Variants in DSE observed in about 807,000 individuals in gnomAD.
The protein encoded by DSE is dermatan-sulfate epimerase.
Under a neutral mutation model 84.4 loss-of-function variants are expected in DSE, and 36 were observed. The observed-to-expected ratio is 0.43, with a 90% confidence interval of 0.33 to 0.56. The LOEUF (loss-of-function observed/expected upper bound fraction) is 0.56. DSE is among the 20% of genes least tolerant of loss of function. DSE has a pLI of 0.06. For missense variants in DSE, 862 were observed against 1,169.6 expected (o/e 0.74, Z 3.84); for synonymous variants, 410 against 430.1 (o/e 0.95, Z 0.58).
intron 2 of DSE, among the ~76,000 whole-genome samples, chr6:116,413,359 A>C (rs1782504790): frequency 6.6e-6 from 1 of 152,244 alleles, no homozygotes; most frequent in Admixed American, 6.5e-5. Context: ...TGATAAATAC[A>C]AAATTTTTTC....
At chr6:116,266,477 T>C in intron 2 of DSE, among the ~76,000 whole-genome samples, 1 of 152,200 alleles carries the variant, frequency 6.6e-6, no homozygotes, top group East Asian at 1.9e-4. Context: ...TTATTAGTAG[T>C]AGAACATTCT....
intron 2 of DSE, among the ~76,000 whole-genome samples, chr6:116,333,284 G>T (rs1777059081): frequency 6.6e-6 from 1 of 152,146 alleles, no homozygotes; most frequent in South Asian, 2.1e-4. Flanking sequence ...GGTTCTGGAG[G>T]CTGGGAAGTC....
intron 2 of DSE, among the ~76,000 whole-genome samples, chr6:116,328,366 T>C (rs1776749550): frequency 6.6e-6 from 1 of 152,230 alleles, no homozygotes; most frequent in South Asian, 2.1e-4. Flanking sequence ...ATGAGTCACT[T>C]AGATTTTAAT....
intron 1 of DSE, among the ~76,000 whole-genome samples, chr6:116,388,686 G>A (rs1353448821): frequency 6.6e-6 from 1 of 152,170 alleles, no homozygotes; most frequent in East Asian, 1.9e-4. Flanking sequence ...AAGTTTATAA[G>A]TAATTTTTTT....
At chr6:116,377,206 A>G (rs1221083377) in intron 1 of DSE, among the ~76,000 whole-genome samples, 1 of 152,204 alleles carries the variant, frequency 6.6e-6, no homozygotes, top group Non-Finnish European at 1.5e-5. Flanking sequence ...ATCATGCATA[A>G]CAATAACAAA....
upstream of DSE, chr6:116,370,510 T>TA: frequency 1.0e-6 from 1 of 985,872 alleles, no homozygotes; most frequent in Non-Finnish European, 1.2e-6. Context: ...GTAAGAGTCT[T>TA]AACGTCTTCC....
intron 2 of DSE, among the ~76,000 whole-genome samples, chr6:116,266,319 A>T (rs937433017): frequency 4.6e-5 from 7 of 152,184 alleles, no homozygotes; most frequent in Non-Finnish European, 7.3e-5. Flanking sequence ...TAAACTCTTT[A>T]AGAGCCATTT....
intron 2 of DSE, among the ~76,000 whole-genome samples, chr6:116,304,005 A>C (rs964952693): frequency 7.2e-5 from 11 of 151,988 alleles, no homozygotes; most frequent in African/African-American, 2.7e-4. Context: ...GCATGGTGGC[A>C]GGCGCCCGTA....
Position 116,273,806 on chromosome 6 carries a change from C to G in DSE, c.-54+14839C>G, listed in dbSNP as rs531856111. The stretch of plus-strand genomic sequence containing the variant: ...CTACTGCAAGATTACAATTACAGAC[C>G]ACTAATTTTCAAAAAGTATGTTTTT... On this transcript the variant is annotated intron_variant, in intron 2 of 3. Transcript: ENST00000430252. 2.7e-5 allele frequency among the ~76,000 whole-genome samples: 4 copies of G among 150,918 alleles called. No individual in the cohort carries two copies. In the South Asian group the frequency reaches 8.4e-4, roughly 32 times the overall value.
intron 2 of DSE, among the ~76,000 whole-genome samples, chr6:116,304,122 C>CA (rs10641724): frequency 0.043 from 4,740 of 110,886 alleles, 189 homozygotes; most frequent in African/African-American, 0.11. Context: ...GACTCCGTCT[C>CA]AAAAAAAAAA....
rs1784236134 is a variant in DSE at position 116,437,233 on chromosome 6, A to G, written c.2765A>G (p.Tyr922Cys). ...FFVMLAMQLTYFQRAQSLHGQ... is the reference protein window; with the variant it reads ...FFVMLAMQLTCFQRAQSLHGQ... ...GTCATGTTGGCAATGCAACTGACTT[A>G]TTTCCAGAGGGCCCAGAGCCTACAT... Residue 922 changes from tyrosine to cysteine, a missense_variant, in exon 6 of 6, where the codon TAT becomes TGT. Transcript: ENST00000644252. The G allele has an allele frequency of 6.2e-7, 1 of 1,614,052 alleles. No individual in the cohort carries two copies. The highest frequency in any genetic ancestry group is 8.5e-7 in the Non-Finnish European group (1 of 1,179,990).
chr6:116,376,619 C>T (rs1408402262), intron 1 of DSE, among the ~76,000 whole-genome samples: 2 of 152,114 alleles, frequency 1.3e-5, no homozygotes, highest in African/African-American at 2.4e-5. Context: ...GCTTCAGCTC[C>T]CTTGGAATAT....
At chr6:116,364,828 CTTT>C (rs1211909933) in intron 2 of DSE, among the ~76,000 whole-genome samples, 2 of 131,186 alleles carry the variant, frequency 1.5e-5, no homozygotes, top group Admixed American at 7.7e-5. Flanking sequence ...TTTAGTAACA[CTTT>C]TTTTTTTTTT....
chr6:116,267,408 G>C (rs1470040632), intron 2 of DSE, among the ~76,000 whole-genome samples: 4 of 151,764 alleles, frequency 2.6e-5, no homozygotes, highest in African/African-American at 9.7e-5. Flanking sequence ...GTGTGTGTTT[G>C]TGTCTTCATT....
At chr6:116,364,561 AATACT>A (rs1330164369) in intron 2 of DSE, among the ~76,000 whole-genome samples, 2 of 152,232 alleles carry the variant, frequency 1.3e-5, no homozygotes, top group Admixed American at 1.3e-4. Context: ...CACTATGTGT[AATACT>A]CAGGCAGCAG....
intron 2 of DSE, chr6:116,276,481 G>GC: frequency 6.6e-6 from 1 of 152,312 alleles, no homozygotes; most frequent in South Asian, 2.1e-4. Context: ...AACATACCGT[G>GC]CCCTGCTTTC....
rs1308983532 is a variant in DSE at position 116,436,727 on chromosome 6, T to G, written c.2259T>G (p.Phe753Leu). 1 of 1,614,176 alleles carries G rather than the reference T, an allele frequency of 6.2e-7. No homozygotes were observed. Among genetic ancestry groups the G allele is most frequent in the Non-Finnish European group, 8.5e-7 (1 of 1,180,032 alleles). Residue 753 changes from phenylalanine to leucine, a missense_variant, in exon 6 of 6, where the codon TTT becomes TTG. Transcript: ENST00000644252. ...EQNLQHFKPV[F>L]QLLEKQILSR... Reference sequence around the variant, plus strand: ...ACTTGCAGCATTTTAAACCAGTGTTTCAGCTGCTGGAGAAGCAGATACTGT... The same window carrying G: ...ACTTGCAGCATTTTAAACCAGTGTTGCAGCTGCTGGAGAAGCAGATACTGT...
intron 2 of DSE, among the ~76,000 whole-genome samples, chr6:116,402,576 T>C (rs1781662698): frequency 6.6e-6 from 1 of 152,186 alleles, no homozygotes; most frequent in East Asian, 1.9e-4. Context: ...TAATTATTGA[T>C]GCTGTTCTTT....
chr6:116,309,320 A>ATACG (rs1268613109), intron 2 of DSE, among the ~76,000 whole-genome samples: 2 of 132,360 alleles, frequency 1.5e-5, no homozygotes, highest in Non-Finnish European at 3.1e-5. Flanking sequence ...ATACACATAC[A>ATACG]TACATACATA....
Sources: gnomAD v4.1 joint callset for allele counts (sites outside exome capture counted in the v4.1 genomes callset) on GRCh38, gnomAD v4.1.1 for gene constraint, MANE v1.5 for transcripts, NCBI Gene and HGNC (gene_info 2026-07-23, HGNC 2026-07-21) for gene names.